Variants in CFAP263 observed in about 807,000 individuals in gnomAD.
CFAP263 encodes cilia and flagella associated protein 263.
At chr16:58,267,670 G>A in the CFAP263 span, 1 of 807,732 alleles carries the variant, frequency 1.2e-6, no homozygotes, top group Non-Finnish European at 2.1e-6. Context: ...CAAGATCTAA[G>A]CCACCTTGCT....
the CFAP263 span, chr16:58,278,679 T>C: frequency 2.5e-6 from 4 of 1,584,420 alleles, no homozygotes; most frequent in African/African-American, 4.0e-5. Flanking sequence ...CTTTTATGTC[T>C]TCAACGTTTT....
chr16:58,279,727 A>G, the CFAP263 span: 1 of 1,612,564 alleles, frequency 6.2e-7, no homozygotes, highest in Non-Finnish European at 8.5e-7. Flanking sequence ...TTGGAATCGA[A>G]TGAAAATAAC....
the CFAP263 span, chr16:58,278,435 A>C: frequency 3.1e-6 from 5 of 1,592,950 alleles, no homozygotes; most frequent in East Asian, 1.1e-4. Flanking sequence ...TTCTCAAAGC[A>C]AGAGCTGCTG....
At chr16:58,266,397 ATATATATATTTTT>A in the CFAP263 span, among the ~76,000 whole-genome samples, 206 of 43,164 alleles carry the variant, frequency 4.8e-3, no homozygotes, top group African/African-American at 0.017. Flanking sequence ...ATATATATAT[ATATATATATTTTT>A]TTTTTTTTTT....
At chr16:58,260,445 A>C in the CFAP263 span, among the ~76,000 whole-genome samples, 2 of 152,232 alleles carry the variant, frequency 1.3e-5, no homozygotes, top group Non-Finnish European at 1.5e-5. Context: ...GATTTGTTAC[A>C]GGAGCAACAG....
At chr16:58,274,099 A>G in the CFAP263 span, among the ~76,000 whole-genome samples, 2 of 152,220 alleles carry the variant, frequency 1.3e-5, no homozygotes, top group African/African-American at 2.4e-5. Flanking sequence ...ATTGCTTTCA[A>G]CAATACCCTG....
At chr16:58,259,247 G>A in the CFAP263 span, among the ~76,000 whole-genome samples, 1 of 152,062 alleles carries the variant, frequency 6.6e-6, no homozygotes, top group East Asian at 1.9e-4. Context: ...TAAAAAAATT[G>A]TTATAGAGAT....
the CFAP263 span, chr16:58,258,601 C>T: frequency 7.3e-7 from 1 of 1,366,226 alleles, no homozygotes; most frequent in Non-Finnish European, 1.0e-6. Context: ...TGTGAAGCAG[C>T]CTAGCTCCCT....
the CFAP263 span, among the ~76,000 whole-genome samples, chr16:58,273,508 G>T: frequency 3.9e-5 from 6 of 152,190 alleles, no homozygotes; most frequent in South Asian, 2.1e-4. Context: ...ATATTGAAAA[G>T]ATTCCAGATT....
the CFAP263 span, among the ~76,000 whole-genome samples, chr16:58,255,157 C>T: frequency 4.6e-5 from 7 of 152,306 alleles, no homozygotes; most frequent in East Asian, 1.2e-3. Flanking sequence ...GTGCAGCCTT[C>T]GGTCCGTGGC....
the CFAP263 span, among the ~76,000 whole-genome samples, chr16:58,270,366 C>G: frequency 1.3e-5 from 2 of 151,984 alleles, no homozygotes; most frequent in Admixed American, 1.3e-4. Context: ...TGTTGAATGT[C>G]CCATGTAATT....
chr16:58,262,546 G>T, the CFAP263 span: 1 of 1,591,564 alleles, frequency 6.3e-7, no homozygotes, highest in East Asian at 2.3e-5. Flanking sequence ...ACAAAGTAAG[G>T]CCATCCCTGA....
At chr16:58,266,277 A>G in the CFAP263 span, among the ~76,000 whole-genome samples, 1 of 148,364 alleles carries the variant, frequency 6.7e-6, no homozygotes, top group African/African-American at 2.5e-5. Flanking sequence ...CCCAGCTCCT[A>G]TTAGATCCTC....
chr16:58,274,962 A>G, the CFAP263 span, among the ~76,000 whole-genome samples: 3 of 152,090 alleles, frequency 2.0e-5, no homozygotes, highest in Admixed American at 2.0e-4. Flanking sequence ...TTACGTTTTA[A>G]TGCCTTCATT....
chr16:58,272,521 G>C, the CFAP263 span, among the ~76,000 whole-genome samples: 1 of 152,126 alleles, frequency 6.6e-6, no homozygotes, highest in African/African-American at 2.4e-5. Context: ...GAATGCTGTA[G>C]GAAATTATAA....
chr16:58,255,731 T>C, the CFAP263 span, among the ~76,000 whole-genome samples: 1 of 151,898 alleles, frequency 6.6e-6, no homozygotes, highest in Non-Finnish European at 1.5e-5. Flanking sequence ...CCAGCTAATT[T>C]TTTTTGTATT....
the CFAP263 span, among the ~76,000 whole-genome samples, chr16:58,266,434 T>C: frequency 9.4e-4 from 90 of 95,464 alleles, no homozygotes; most frequent in South Asian, 0.01. Context: ...TTTTTTTTTT[T>C]CAGGAAAACC....
the CFAP263 span, among the ~76,000 whole-genome samples, chr16:58,257,608 AT>A: frequency 2.2e-5 from 3 of 139,056 alleles, no homozygotes; most frequent in African/African-American, 5.4e-5. Context: ...TATCTTCTTT[AT>A]TTTTTTTTCC....
chr16:58,266,364 C>T, the CFAP263 span, among the ~76,000 whole-genome samples: 22 of 127,344 alleles, frequency 1.7e-4, no homozygotes, highest in African/African-American at 5.7e-4. Context: ...TCTTTCAGCT[C>T]TCTTTCCAGC....
Sources: gnomAD v4.1 joint callset for allele counts (sites outside exome capture counted in the v4.1 genomes callset) on GRCh38, gnomAD v4.1.1 for gene constraint, MANE v1.5 for transcripts, NCBI Gene and HGNC (gene_info 2026-07-23, HGNC 2026-07-21) for gene names.